The following TBCE variants were observed in gnomAD, a reference collection of about 807,000 sequenced individuals.
TBCE encodes tubulin folding cofactor E.
A neutral mutation model predicts 77.0 loss-of-function variants in TBCE; 53 were observed. The ratio of observed to expected loss-of-function variants is 0.69; its 90% CI spans 0.55 to 0.87. The LOEUF (loss-of-function observed/expected upper bound fraction) is 0.87, where lower values mean the gene tolerates loss of function less well. Among genes scored for constraint, TBCE ranks in the 40% least tolerant of loss-of-function variants. TBCE has a pLI of 0.00. For missense variants in TBCE, 624 were observed against 622.4 expected (o/e 1.00, Z -0.03); for synonymous variants, 235 against 241.3 (o/e 0.97, Z 0.24).
intron 5 of TBCE, among the ~76,000 whole-genome samples, chr1:235,420,619 G>A (rs10925666): frequency 0.56 from 84,217 of 151,610 alleles, 23,596 homozygotes; most frequent in East Asian, 0.65. Context: ...AGTAGCTGGG[G>A]CTACAGGCGC....
chr1:235,447,813 C>CACTT (rs1424071822), intron 15 of TBCE, among the ~76,000 whole-genome samples: 1 of 152,172 alleles, frequency 6.6e-6, no homozygotes, highest in Non-Finnish European at 1.5e-5. Context: ...TGTCAAAGGG[C>CACTT]ACTTAGGTCC....
chr1:235,439,797 T>G (rs1363303734), intron 13 of TBCE, among the ~76,000 whole-genome samples: 1 of 150,726 alleles, frequency 6.6e-6, no homozygotes, highest in Non-Finnish European at 1.5e-5. Flanking sequence ...AGGAAAGCAT[T>G]TCTTTTTCTT....
chr1:235,367,868 A>C (rs1002004082), intron 1 of TBCE, among the ~76,000 whole-genome samples: 13 of 152,180 alleles, frequency 8.5e-5, no homozygotes, highest in Non-Finnish European at 1.3e-4. Flanking sequence ...GATGACAGAG[A>C]AATAACGTTA....
chr1:235,422,385 C>T (rs1170997281), intron 5 of TBCE, among the ~76,000 whole-genome samples: 7 of 151,536 alleles, frequency 4.6e-5, no homozygotes, highest in Admixed American at 1.3e-4. Context: ...TGGTTACGGA[C>T]GCCTCTAATC....
rs1244724956 is a variant in TBCE, at chr1:235,398,640, A to G, written c.101-2863A>G. Among the ~76,000 whole-genome samples, 3 of 141,414 alleles carry G rather than the reference A, an allele frequency of 2.1e-5. 1 individual carries two copies. 92.8% of individuals were successfully genotyped at this position (141,414 alleles called of 152,430 possible). A position where few individuals can be genotyped will look rare whatever the true frequency, so the allele number is the denominator to read the frequency against. On this transcript the variant is annotated intron_variant, in intron 2 of 16. Coordinates refer to ENST00000642610, the MANE Select transcript of TBCE (RefSeq NM_003193.5). Reference sequence around the variant, plus strand: ...GTGTTTTCTTTTTTTTTTTTTTGAGACAAGGTCTTACTCCATTGCTCAGGC... The same window carrying G: ...GTGTTTTCTTTTTTTTTTTTTTGAGGCAAGGTCTTACTCCATTGCTCAGGC...
intron 6 of TBCE, 66 bp downstream of exon 6, chr1:235,427,305 C>A: frequency 1.6e-6 from 2 of 1,238,342 alleles, no homozygotes; most frequent in Non-Finnish European, 2.4e-6. Context: ...TTCCTCACAG[C>A]ATCTCTGTGG....
rs576878157 is a variant in TBCE, at chr1:235,438,809, G to A, written c.1157G>A (p.Arg386Gln). 11 of 1,614,056 alleles carry A rather than the reference G, an allele frequency of 6.8e-6. No individual in the cohort carries two copies. Among genetic ancestry groups the A allele is most frequent in the African/African-American group, 6.7e-5 (5 of 75,000 alleles). The change falls in exon 13 of 17, where the codon CGA becomes CAA. Residue 386 changes from arginine to glutamine, a missense_variant. Physicochemically the swap from Arg to Gln is conservative, Grantham distance 43. Transcript: ENST00000642610. ...AGGCGGAGAGCTGAGCTTGACTACC[G>A]AAAAGCTTTTGGAAATGAGTGGAAA... ...EERRRAELDY[R>Q]KAFGNEWKQA... is the part of the protein sequence containing the mutation.
At chr1:235,434,130 G>C in intron 7 of TBCE, 74 bp from the exon 8 acceptor site, 1 of 1,310,342 alleles carries the variant, frequency 7.6e-7, no homozygotes, top group Non-Finnish European at 1.1e-6. Flanking sequence ...GAATTCTTGT[G>C]GTGGTTCCTA....
chr1:235,438,689 G>A, intron 12 of TBCE, 80 bp from the exon 13 acceptor site: 1 of 1,551,176 alleles, frequency 6.4e-7, no homozygotes, highest in African/African-American at 1.4e-5. Flanking sequence ...TGCTATGGAG[G>A]AAGGACAAGG....
In TBCE at chr1:235,437,417, G is replaced by A. The variant is rs542526764; in HGVS notation, c.1059G>A (p.Thr353=). The change falls in exon 12 of 17, where the codon ACG becomes ACA. Residue 353 remains threonine, a synonymous_variant. Transcript: ENST00000642610. The part of the protein sequence containing the change: ...PLTKEDKEAE[T]ARLLIIASIG... ...CCAAAGAGGACAAAGAAGCAGAGACGGCGCGACTACTCATTATCGCCAGCA... is the reference window on the plus strand; with the variant it reads ...CCAAAGAGGACAAAGAAGCAGAGACAGCGCGACTACTCATTATCGCCAGCA... The A allele has an allele frequency of 9.4e-5, 151 of 1,614,032 alleles. No homozygotes were observed. Among genetic ancestry groups the A allele is most frequent in the Middle Eastern group, 1.6e-4 (1 of 6,084 alleles).
At chr1:235,397,831 A>T (rs1318442034) in intron 2 of TBCE, among the ~76,000 whole-genome samples, 2 of 152,298 alleles carry the variant, frequency 1.3e-5, no homozygotes, top group African/African-American at 4.8e-5. Flanking sequence ...CATTCCTGGG[A>T]TCTGACTGGT....
intron 13 of TBCE, among the ~76,000 whole-genome samples, chr1:235,440,214 C>A (rs965477523): frequency 6.6e-6 from 1 of 152,168 alleles, no homozygotes; most frequent in Admixed American, 6.5e-5. Context: ...TTGTGATCCA[C>A]CCACCTTGGC....
At position 235,404,319 on chromosome 1, in the gene TBCE, T is replaced by C. The variant is rs549698449; in HGVS notation, c.185+2732T>C. On this transcript the variant is annotated intron_variant, in intron 3 of 16. Transcript: ENST00000642610. ...AAGCAGTGTGGGGTGGTACGGGTGG[T>C]ATGTGCCTGTTAGTACCAGCTACTT... is the stretch of plus-strand genomic sequence containing the variant. 3.9e-3 allele frequency among the ~76,000 whole-genome samples: 593 copies of C among 151,192 alleles called. 4 individuals are homozygous for C. Among genetic ancestry groups the C allele is most frequent in the African/African-American group, 0.014 (565 of 41,256 alleles).
chr1:235,424,037 G>T (rs1294962956), intron 5 of TBCE, among the ~76,000 whole-genome samples: 2 of 152,070 alleles, frequency 1.3e-5, no homozygotes, highest in Non-Finnish European at 2.9e-5. Flanking sequence ...CACTGTTTTT[G>T]TAAAGAAACT....
Position 235,437,299 on chromosome 1 carries a change from T to G in TBCE, c.964-23T>G, listed in dbSNP as rs1681525520. 3 of 1,613,894 alleles carry G rather than the reference T, an allele frequency of 1.9e-6. No homozygotes were observed. The South Asian group carries it at 3.3e-5, about 18-fold the overall frequency. On this transcript the variant is annotated intron_variant, in intron 11 of 16. Coordinates refer to ENST00000642610, the MANE Select transcript of TBCE (RefSeq NM_003193.5). ...TGGCATGAACGTACCGCTTTTCATTTATTTCCTTTTGCTGTGTTTCAGTGG... is the reference window on the plus strand; with the variant it reads ...TGGCATGAACGTACCGCTTTTCATTGATTTCCTTTTGCTGTGTTTCAGTGG...
intron 15 of TBCE, 78 bp from the exon 16 acceptor site, chr1:235,448,271 G>C (rs113174189): frequency 1.1e-6 from 1 of 935,358 alleles, no homozygotes; most frequent in Non-Finnish European, 1.7e-6. Flanking sequence ...CAATGATACT[G>C]TGGTCTCATC....
chr1:235,375,136 G>A (rs1677217271), intron 1 of TBCE, among the ~76,000 whole-genome samples: 1 of 151,306 alleles, frequency 6.6e-6, no homozygotes, highest in African/African-American at 2.4e-5. Context: ...TAGCCAGGAT[G>A]GTCTCAATCT....
chr1:235,448,220 CAAAAAAAA>C, intron 15 of TBCE, 121 bp from the exon 16 acceptor site: 1 of 527,200 alleles, frequency 1.9e-6, no homozygotes, highest in Non-Finnish European at 3.3e-6. Context: ...AAGTCAGTCT[CAAAAAAAA>C]AAAAAAAAAA....
intron 1 of TBCE, among the ~76,000 whole-genome samples, chr1:235,374,445 G>A (rs1465584194): frequency 2.7e-5 from 4 of 146,112 alleles, no homozygotes; most frequent in Non-Finnish European, 6.0e-5. Flanking sequence ...AGAGAGGTTT[G>A]GGAGATGAAG....
Sources: gnomAD v4.1 joint callset for allele counts (sites outside exome capture counted in the v4.1 genomes callset) on GRCh38, gnomAD v4.1.1 for gene constraint, MANE v1.5 for transcripts, NCBI Gene and HGNC (gene_info 2026-07-23, HGNC 2026-07-21) for gene names.